Variants in SEC63 observed in about 807,000 individuals in gnomAD.
SEC63 encodes the protein translocation protein SEC63 homolog.
SEC63 carries 56 observed loss-of-function variants against 116.2 expected under a neutral mutation model. That is an observed-to-expected ratio of 0.48 (90% confidence interval 0.39 to 0.60). SEC63 has a LOEUF of 0.60. SEC63 is among the 20% of genes least tolerant of loss of function. The pLI is 0.00. For missense variants in SEC63, 668 were observed against 900.0 expected (o/e 0.74, Z 3.30); for synonymous variants, 273 against 294.6 (o/e 0.93, Z 0.75).
At chr6:107,946,103 AT>A (rs1211061820) in intron 1 of SEC63, among the ~76,000 whole-genome samples, 1 of 150,672 alleles carries the variant, frequency 6.6e-6, no homozygotes, top group African/African-American at 2.4e-5. Flanking sequence ...TGCCCAGCTA[AT>A]TTTTGTATTT....
intron 12 of SEC63, 45 bp downstream of exon 12, chr6:107,902,799 C>T: frequency 6.3e-7 from 1 of 1,579,440 alleles, no homozygotes; most frequent in Non-Finnish European, 8.7e-7. Context: ...CTTTAAGTGA[C>T]AGGACAAACT....
intron 14 of SEC63, among the ~76,000 whole-genome samples, chr6:107,895,004 G>C (rs562509850): frequency 1.1e-4 from 16 of 152,196 alleles, no homozygotes; most frequent in African/African-American, 3.4e-4. Flanking sequence ...TTACTATCTG[G>C]ATGTTTAAAG....
At chr6:107,912,593 G>C in intron 6 of SEC63, 123 bp downstream of exon 6, 2 of 708,088 alleles carry the variant, frequency 2.8e-6, no homozygotes, top group South Asian at 3.1e-5. Flanking sequence ...TCAAATGAAT[G>C]AATGAATGAA....
intron 1 of SEC63, among the ~76,000 whole-genome samples, chr6:107,942,246 T>C (rs956601600): frequency 6.6e-6 from 1 of 152,224 alleles, no homozygotes. Context: ...TTACAACTCC[T>C]TTCTAAAAAA....
In SEC63 at chr6:107,909,188, T is replaced by C. The variant is rs1342144684; in HGVS notation, c.625-153A>G. ...TTTGAGACCAGCCTGGGCAACATAG[T>C]GAGACCCTGTCTCTACAAAAGAAAA... On this transcript the variant is annotated intron_variant, in intron 7 of 20. Transcript: ENST00000369002. The C allele has an allele frequency of 8.3e-6, 5 of 604,092 alleles. No homozygotes were observed. The East Asian group carries it at 1.3e-4, about 15-fold the overall frequency. The allele number at this position is 604,092 out of a possible 1,614,324, so 37.4% of individuals were successfully genotyped here. A position where few individuals can be genotyped will look rare whatever the true frequency, so the allele number is the denominator to read the frequency against.
intron 16 of SEC63, among the ~76,000 whole-genome samples, chr6:107,886,845 G>GTTT (rs34959288): frequency 9.4e-5 from 12 of 128,092 alleles, no homozygotes; most frequent in African/African-American, 2.0e-4. Context: ...GTTTTTTTGG[G>GTTT]TTTTTTTTTT....
At chr6:107,903,188 T>C (rs1418984168) in intron 11 of SEC63, 190 bp from the exon 12 acceptor site, 3 of 650,134 alleles carry the variant, frequency 4.6e-6, no homozygotes, top group Non-Finnish European at 8.1e-6. Flanking sequence ...ATGAACATTT[T>C]CCAGCAACAA....
intron 12 of SEC63, among the ~76,000 whole-genome samples, chr6:107,902,245 T>C (rs1025175675): frequency 6.6e-6 from 1 of 152,128 alleles, no homozygotes; most frequent in Non-Finnish European, 1.5e-5. Context: ...ATTTCCAACA[T>C]GCATTTATTA....
intron 16 of SEC63, among the ~76,000 whole-genome samples, chr6:107,889,319 G>A (rs1185749205): frequency 6.6e-6 from 1 of 152,068 alleles, no homozygotes; most frequent in East Asian, 1.9e-4. Context: ...TTTAGTCCTG[G>A]GAGGGTGTAT....
intron 1 of SEC63, among the ~76,000 whole-genome samples, chr6:107,942,329 G>A (rs931436608): frequency 1.3e-5 from 2 of 152,142 alleles, no homozygotes; most frequent in African/African-American, 2.4e-5. Flanking sequence ...TATTAAAGCC[G>A]ATTTGATTCC....
At chr6:107,953,635 C>T (rs1429765334) in intron 1 of SEC63, among the ~76,000 whole-genome samples, 65 of 145,274 alleles carry the variant, frequency 4.5e-4, no homozygotes, top group African/African-American at 1.5e-3. Flanking sequence ...TCTGCCCGGC[C>T]GCCCCTACTG....
intron 7 of SEC63, among the ~76,000 whole-genome samples, chr6:107,910,272 C>A (rs1787244208): frequency 6.6e-6 from 1 of 151,974 alleles, no homozygotes; most frequent in Non-Finnish European, 1.5e-5. Flanking sequence ...TTAAGACCAG[C>A]CTGGGCAACG....
chr6:107,926,993 A>C (rs1310149964), intron 2 of SEC63, among the ~76,000 whole-genome samples: 1 of 152,102 alleles, frequency 6.6e-6, no homozygotes, highest in East Asian at 1.9e-4. Flanking sequence ...TTTTTAAAAA[A>C]CCTGTTTGGT....
Position 107,876,363 on chromosome 6 carries a change from A to T in SEC63, c.2034+201T>A, listed in dbSNP as rs1053855297. ...CTGAGAACAAATTTTTAAAACATTGACTAAGTTGCCTACCTTTAACAATTA... is the reference window on the plus strand; with the variant it reads ...CTGAGAACAAATTTTTAAAACATTGTCTAAGTTGCCTACCTTTAACAATTA... On this transcript the variant is annotated intron_variant, in intron 19 of 20. Transcript: ENST00000369002. Among the ~76,000 whole-genome samples the T allele has an allele frequency of 2.6e-5, 4 of 152,216 alleles. No homozygotes were observed. In the South Asian group the frequency reaches 6.2e-4, roughly 24 times the overall value.
intron 4 of SEC63, among the ~76,000 whole-genome samples, chr6:107,920,382 C>A (rs1402491638): frequency 7.3e-6 from 1 of 136,218 alleles, no homozygotes; most frequent in African/African-American, 2.8e-5. Context: ...GCCGAGATAG[C>A]GCCACTGCAG....
chr6:107,874,476 A>G lies in SEC63; in HGVS notation c.2035-1564T>C, dbSNP rs559967162. On this transcript the variant is annotated intron_variant, in intron 19 of 20. Transcript: ENST00000369002. ...CTGGGTGCAGTGGCGGGCGTCTGTA[A>G]TCCCAGCTACTCAGGAGGCTGAGGC... Among the ~76,000 whole-genome samples, 563 of 151,674 alleles carry G rather than the reference A, an allele frequency of 3.7e-3. 2 individuals are homozygous for G. Among genetic ancestry groups the G allele is most frequent in the Non-Finnish European group, 5.0e-3 (342 of 67,876 alleles).
In SEC63 at chr6:107,893,653, C is replaced by G; in HGVS notation, c.1503G>C (p.Gln501His). Residue 501 changes from glutamine to histidine, a missense_variant and splice_region_variant, in exon 16 of 21, where the codon CAG becomes CAC. Gln to His is a conservative substitution (Grantham distance 24). Coordinates refer to ENST00000369002, the MANE Select transcript of SEC63 (RefSeq NM_007214.5). ...AAEEQPAEDG[Q>H]GETNKNRTKG... ...TTGTCCTGTTCTTGTTAGTTTCACC[C>G]TGCTGTGAATCATAACACGTCACAC... The G allele has an allele frequency of 2.5e-6, 4 of 1,613,750 alleles. No individual in the cohort carries two copies. The South Asian group carries it at 4.4e-5, about 18-fold the overall frequency.
At chr6:107,925,596 A>C (rs1455614796) in intron 2 of SEC63, among the ~76,000 whole-genome samples, 1 of 152,236 alleles carries the variant, frequency 6.6e-6, no homozygotes, top group Non-Finnish European at 1.5e-5. Context: ...TGTTCTAGTG[A>C]GTAAAATTAT....
intron 17 of SEC63, among the ~76,000 whole-genome samples, chr6:107,881,597 G>A (rs997713571): frequency 5.9e-5 from 9 of 151,914 alleles, no homozygotes; most frequent in African/African-American, 2.2e-4. Flanking sequence ...ACCCTGTTTG[G>A]ACTTTGATTT....
Sources: allele counts gnomAD v4.1 joint callset (sites outside exome capture counted in the v4.1 genomes callset), GRCh38; gene constraint gnomAD v4.1.1; transcripts MANE v1.5; gene names NCBI Gene and HGNC (gene_info 2026-07-23, HGNC 2026-07-21).